Variants in CAMKMT observed in about 807,000 individuals in gnomAD.
The protein encoded by CAMKMT is calmodulin-lysine N-methyltransferase.
A neutral mutation model predicts 48.0 loss-of-function variants in CAMKMT; 53 were observed. The ratio of observed to expected loss-of-function variants is 1.10; its 90% CI spans 0.89 to 1.39. The LOEUF is 1.39. Ranked by LOEUF, CAMKMT falls within the 40% of genes most tolerant of loss-of-function variation. The probability of loss-of-function intolerance (pLI) is 0.00; values close to 1 mark genes in which losing one functional copy is unlikely to be tolerated. For missense variants in CAMKMT, 428 were observed against 402.7 expected, an observed-to-expected ratio of 1.06 and a Z score of -0.54; for synonymous variants, 165 against 152.3, an observed-to-expected ratio of 1.08 and a Z score of -0.61.
intron 3 of CAMKMT, among the ~76,000 whole-genome samples, chr2:44,443,023 T>C (rs1666766505): frequency 6.6e-6 from 1 of 152,224 alleles, no homozygotes; most frequent in Admixed American, 6.5e-5. Flanking sequence ...CGTTCTTCTG[T>C]CCTACCTGGT....
intron 3 of CAMKMT, among the ~76,000 whole-genome samples, chr2:44,697,238 A>T (rs1257131224): frequency 6.6e-6 from 1 of 152,054 alleles, no homozygotes; most frequent in African/African-American, 2.4e-5. Flanking sequence ...CTTTTTCAAG[A>T]AACTACTGGA....
chr2:44,372,416 G>C (rs903110815), intron 1 of CAMKMT, among the ~76,000 whole-genome samples: 1 of 151,506 alleles, frequency 6.6e-6, no homozygotes, highest in Non-Finnish European at 1.5e-5. Context: ...ACCCAGCTGG[G>C]TGACAGGCTG....
Position 44,723,633 on chromosome 2 carries a change from TA to T in CAMKMT, c.623+8283del, listed in dbSNP as rs1167557899. On this transcript the variant is annotated intron_variant, in intron 7 of 10. Transcript: ENST00000378494. ...ATAAATAAATAAATAAATAAATAAA[TA>T]AATAAATAAATAAATAAATAAAATA... 738 of 148,574 alleles carry T rather than the reference TA, an allele frequency of 5.0e-3. 8 individuals are homozygous for T. The highest frequency in any genetic ancestry group is 0.018 in the African/African-American group (703 of 39,772). 9.2% of individuals were successfully genotyped at this position (148,574 alleles called of 1,614,324 possible).
chr2:44,422,072 G>A (rs534600569), intron 3 of CAMKMT, among the ~76,000 whole-genome samples: 1 of 152,166 alleles, frequency 6.6e-6, no homozygotes, highest in African/African-American at 2.4e-5. Flanking sequence ...GTAATCCCCA[G>A]TGTTGGAGGT....
chr2:44,492,997 G>A (rs1373734929), intron 3 of CAMKMT, among the ~76,000 whole-genome samples: 2 of 151,346 alleles, frequency 1.3e-5, no homozygotes, highest in Non-Finnish European at 1.5e-5. Flanking sequence ...GGGTTCAAGC[G>A]ATTCTCCTGC....
intron 2 of CAMKMT, among the ~76,000 whole-genome samples, chr2:44,381,452 T>C (rs572468792): frequency 6.6e-5 from 10 of 152,292 alleles, no homozygotes; most frequent in Admixed American, 5.9e-4. Flanking sequence ...AATTAGGCCA[T>C]AAAACAATTC....
At chr2:44,566,641 T>TA (rs889896347) in intron 3 of CAMKMT, among the ~76,000 whole-genome samples, 12 of 150,738 alleles carry the variant, frequency 8.0e-5, no homozygotes, top group South Asian at 4.2e-4. Context: ...TGACATCATT[T>TA]AAAAAAAAAA....
At chr2:44,711,904 C>T (rs899250294) in intron 6 of CAMKMT, among the ~76,000 whole-genome samples, 7 of 152,144 alleles carry the variant, frequency 4.6e-5, no homozygotes, top group African/African-American at 1.4e-4. Context: ...GCACTAGAAG[C>T]CAGGTTCATT....
At chr2:44,639,542 A>G (rs1051801254) in intron 3 of CAMKMT, among the ~76,000 whole-genome samples, 1 of 152,238 alleles carries the variant, frequency 6.6e-6, no homozygotes, top group South Asian at 2.1e-4. Flanking sequence ...GTAATGAGTT[A>G]TAATCAGTGA....
chr2:44,700,978 CTTT>C (rs1270060758), intron 3 of CAMKMT, among the ~76,000 whole-genome samples: 3 of 152,158 alleles, frequency 2.0e-5, no homozygotes, highest in Non-Finnish European at 4.4e-5. Flanking sequence ...ATCAGTTCTT[CTTT>C]TATTGTCAAA....
chr2:44,609,896 G>C (rs557092782), intron 3 of CAMKMT, among the ~76,000 whole-genome samples: 1 of 152,248 alleles, frequency 6.6e-6, no homozygotes, highest in East Asian at 1.9e-4. Context: ...GATGTGCTGG[G>C]GTGGAAAAAC....
intron 3 of CAMKMT, among the ~76,000 whole-genome samples, chr2:44,511,644 T>C (rs1447515428): frequency 1.3e-5 from 2 of 152,222 alleles, no homozygotes; most frequent in African/African-American, 2.4e-5. Context: ...TCTTAATCGT[T>C]ACATTGGACT....
intron 3 of CAMKMT, among the ~76,000 whole-genome samples, chr2:44,451,308 G>GAA (rs1329397193): frequency 2.6e-5 from 4 of 151,978 alleles, no homozygotes; most frequent in African/African-American, 9.7e-5. Flanking sequence ...ACAAAGTGTT[G>GAA]AATAGTTTTC....
intron 3 of CAMKMT, among the ~76,000 whole-genome samples, chr2:44,537,445 A>G (rs1340539208): frequency 6.6e-6 from 1 of 152,242 alleles, no homozygotes; most frequent in East Asian, 1.9e-4. Context: ...CATCAGGGAA[A>G]TGCAAATGAA....
intron 3 of CAMKMT, among the ~76,000 whole-genome samples, chr2:44,496,362 A>G (rs942817966): frequency 2.6e-5 from 4 of 152,236 alleles, no homozygotes; most frequent in African/African-American, 9.6e-5. Context: ...GTGAAGGTTA[A>G]AGGTAAACAC....
intron 5 of CAMKMT, 122 bp downstream of exon 5, chr2:44,706,463 T>C (rs1677566879): frequency 1.1e-6 from 1 of 876,250 alleles, no homozygotes; most frequent in Non-Finnish European, 1.9e-6. Flanking sequence ...AGCTGCCGGG[T>C]CTTGAGAGAC....
chr2:44,384,500 C>CTTTTTTTTTTTTTTTT (rs141017634), intron 2 of CAMKMT, among the ~76,000 whole-genome samples: 6 of 95,856 alleles, frequency 6.3e-5, no homozygotes, highest in African/African-American at 1.7e-4. Flanking sequence ...AGCTATTTAT[C>CTTTTTTTTTTTTTTTT]TTTTTTTTTT....
chr2:44,489,199 C>T, intron 3 of CAMKMT, among the ~76,000 whole-genome samples: 1 of 150,826 alleles, frequency 6.6e-6, no homozygotes, highest in Non-Finnish European at 1.5e-5. Flanking sequence ...TAAAATTCTT[C>T]CTCTAGTCTA....
chr2:44,673,469 GAGAGGAAGGAAGGAAGGAAGGA>G (rs1573043750), intron 3 of CAMKMT, among the ~76,000 whole-genome samples: 1 of 126,594 alleles, frequency 7.9e-6, no homozygotes, highest in East Asian at 2.3e-4. Flanking sequence ...AAGAAAGAGA[GAGAGGAAGGAAGGAAGGAAGGA>G]AGGAAGGAAG....
Sources: gnomAD v4.1 joint callset for allele counts (sites outside exome capture counted in the v4.1 genomes callset) on GRCh38, gnomAD v4.1.1 for gene constraint, MANE v1.5 for transcripts, NCBI Gene and HGNC (gene_info 2026-07-23, HGNC 2026-07-21) for gene names.